The following PLXNA4 variants were observed in gnomAD, a reference collection of about 807,000 sequenced individuals.
PLXNA4 encodes plexin A4.
A neutral mutation model predicts 191.8 loss-of-function variants in PLXNA4; 44 were observed. The ratio of observed to expected loss-of-function variants is 0.23; its 90% CI spans 0.18 to 0.29. The LOEUF (loss-of-function observed/expected upper bound fraction) is 0.29. Among genes scored for constraint, PLXNA4 ranks in the 10% least tolerant of loss-of-function variants. The probability of loss-of-function intolerance (pLI) is 1.00; values close to 1 mark genes in which losing one functional copy is unlikely to be tolerated. For synonymous variants in PLXNA4, 1,082 were observed against 1,009.5 expected (o/e 1.07, Z -1.36); for missense variants, 1,800 against 2,488.8 (o/e 0.72, Z 5.89).
At chr7:132,636,230 G>C (rs1208820858) in intron 2 of PLXNA4, among the ~76,000 whole-genome samples, 1 of 152,240 alleles carries the variant, frequency 6.6e-6, no homozygotes, top group Non-Finnish European at 1.5e-5. Context: ...AAAGCCAGAA[G>C]AGCTCCTCAG....
intron 4 of PLXNA4, among the ~76,000 whole-genome samples, chr7:132,290,083 C>G (rs1408524867): frequency 6.6e-6 from 1 of 152,218 alleles, no homozygotes; most frequent in East Asian, 1.9e-4. Context: ...TGCTTTATAG[C>G]AAGGACTTGA....
chr7:132,393,066 A>T (rs1793579680), intron 3 of PLXNA4, among the ~76,000 whole-genome samples: 1 of 146,654 alleles, frequency 6.8e-6, no homozygotes, highest in South Asian at 2.3e-4. Flanking sequence ...TTATTATACC[A>T]ATTGTCAGTT....
Position 132,365,360 on chromosome 7 carries a change from T to TGTGC in PLXNA4, c.1372-67139_1372-67138insGCAC. Among the ~76,000 whole-genome samples, 154 of 128,828 alleles carry TGTGC rather than the reference T, an allele frequency of 1.2e-3. 1 individual carries two copies. Among genetic ancestry groups the TGTGC allele is most frequent in the Non-Finnish European group, 2.0e-3 (116 of 58,250 alleles). The allele number at this position is 128,828 out of a possible 152,430, so 84.5% of individuals were successfully genotyped here. A position where few individuals can be genotyped will look rare whatever the true frequency, so the allele number is the denominator to read the frequency against. ...GTGTGTGTGTGTGTGTGTGTGTGTG[T>TGTGC]GCGTGCGCGCGCATGCATGGGGCAA... On this transcript the variant is annotated intron_variant, in intron 3 of 31. Coordinates refer to ENST00000321063, the MANE Select transcript of PLXNA4 (RefSeq NM_020911.2).
chr7:132,563,129 C>T (rs1180055407), intron 1 of PLXNA4, among the ~76,000 whole-genome samples: 1 of 103,704 alleles, frequency 9.6e-6, no homozygotes, highest in Non-Finnish European at 2.0e-5. Context: ...TCCTTCTCCT[C>T]CTCCTCCTTC....
chr7:132,505,644 G>A (rs1486587075), intron 2 of PLXNA4, among the ~76,000 whole-genome samples: 1 of 152,190 alleles, frequency 6.6e-6, no homozygotes, highest in Non-Finnish European at 1.5e-5. Context: ...CCTAAGATGT[G>A]TGACCTTGGG....
At chr7:132,376,248 T>C (rs1804653769) in intron 3 of PLXNA4, among the ~76,000 whole-genome samples, 1 of 152,164 alleles carries the variant, frequency 6.6e-6, no homozygotes, top group Admixed American at 6.5e-5. Flanking sequence ...CCGAAAGTCC[T>C]TGGAGTTCAC....
chr7:132,229,873 G>T (rs981167255), intron 5 of PLXNA4, among the ~76,000 whole-genome samples: 1 of 152,068 alleles, frequency 6.6e-6, no homozygotes, highest in African/African-American at 2.4e-5. Flanking sequence ...CAGGCTTAGG[G>T]AAAGCTATGG....
At chr7:132,382,170 C>A (rs1039736669) in intron 3 of PLXNA4, among the ~76,000 whole-genome samples, 1 of 152,168 alleles carries the variant, frequency 6.6e-6, no homozygotes, top group African/African-American at 2.4e-5. Context: ...TTGGACAAAG[C>A]ACACAGGCTG....
intron 1 of PLXNA4, among the ~76,000 whole-genome samples, chr7:132,565,090 A>C (rs1801658055): frequency 6.6e-6 from 1 of 152,126 alleles, no homozygotes; most frequent in African/African-American, 2.4e-5. Context: ...CTCAGTTTTC[A>C]TTCTCTTTGT....
intron 14 of PLXNA4, among the ~76,000 whole-genome samples, chr7:132,192,498 A>G (rs1249747844): frequency 6.6e-6 from 1 of 150,772 alleles, no homozygotes; most frequent in Non-Finnish European, 1.5e-5. Context: ...GGAAGCAAGG[A>G]AGGAAGGAAG....
chr7:132,515,843 G>A (rs897378887), intron 1 of PLXNA4, among the ~76,000 whole-genome samples: 1 of 152,300 alleles, frequency 6.6e-6, no homozygotes, highest in Admixed American at 6.5e-5. Flanking sequence ...GCAGGAACCA[G>A]TGCCACCAGA....
intron 3 of PLXNA4, among the ~76,000 whole-genome samples, chr7:132,303,378 G>A (rs952306700): frequency 2.0e-5 from 3 of 151,056 alleles, no homozygotes; most frequent in African/African-American, 7.3e-5. Context: ...AGACTATCCT[G>A]GCCAATATGG....
chr7:132,353,217 T>G (rs1803561829), intron 3 of PLXNA4, among the ~76,000 whole-genome samples: 1 of 152,216 alleles, frequency 6.6e-6, no homozygotes, highest in African/African-American at 2.4e-5. Flanking sequence ...AATGTCTGGT[T>G]GGCTGGCTGA....
At chr7:132,574,831 A>G (rs1299856034) in intron 1 of PLXNA4, among the ~76,000 whole-genome samples, 1 of 152,174 alleles carries the variant, frequency 6.6e-6, no homozygotes, top group Non-Finnish European at 1.5e-5. Flanking sequence ...TTCAGCCCCT[A>G]TCTTCAGGAT....
intron 9 of PLXNA4, among the ~76,000 whole-genome samples, chr7:132,211,831 G>A (rs1797811894): frequency 6.6e-6 from 1 of 152,196 alleles, no homozygotes; most frequent in South Asian, 2.1e-4. Flanking sequence ...AGCCACAGGA[G>A]CCCAGATGGC....
At chr7:132,393,542 C>T (rs1656182847) in intron 3 of PLXNA4, among the ~76,000 whole-genome samples, 2 of 152,018 alleles carry the variant, frequency 1.3e-5, no homozygotes, top group African/African-American at 4.8e-5. Flanking sequence ...GTTAGCTAAA[C>T]ATTCATTCAT....
intron 3 of PLXNA4, among the ~76,000 whole-genome samples, chr7:132,444,652 G>A (rs1244461102): frequency 6.6e-6 from 1 of 152,198 alleles, no homozygotes. Flanking sequence ...GCAGCCTGGT[G>A]CACATCTGTG....
At chr7:132,474,619 T>G (rs991890016) in intron 3 of PLXNA4, among the ~76,000 whole-genome samples, 1 of 149,930 alleles carries the variant, frequency 6.7e-6, no homozygotes, top group Non-Finnish European at 1.5e-5. Flanking sequence ...ATTGAGCACA[T>G]GTACACACAC....
intron 1 of PLXNA4, among the ~76,000 whole-genome samples, chr7:132,510,704 C>T (rs527369876): frequency 2.6e-5 from 4 of 152,194 alleles, no homozygotes; most frequent in Admixed American, 2.6e-4. Flanking sequence ...TTGGGGAGGG[C>T]ATGGAATTTG....
Sources: gnomAD v4.1 joint callset for allele counts (sites outside exome capture counted in the v4.1 genomes callset) on GRCh38, gnomAD v4.1.1 for gene constraint, MANE v1.5 for transcripts, NCBI Gene and HGNC (gene_info 2026-07-23, HGNC 2026-07-21) for gene names.